The following GALNT17 variants were observed in gnomAD, a reference collection of about 807,000 sequenced individuals.
GALNT17 encodes polypeptide N-acetylgalactosaminyltransferase 17.
Under a neutral mutation model 63.7 loss-of-function variants are expected in GALNT17, and 29 were observed. The ratio of observed to expected loss-of-function variants is 0.46; its 90% CI spans 0.34 to 0.62. GALNT17 has a LOEUF of 0.62. Ranked by LOEUF, GALNT17 falls within the 20% of genes least tolerant of loss-of-function variation. The pLI, the probability that GALNT17 is intolerant of heterozygous loss-of-function variation, is 0.01. For missense variants in GALNT17, 603 were observed against 799.6 expected, an observed-to-expected ratio of 0.75 and a Z score of 2.97; for synonymous variants, 305 against 318.3, an observed-to-expected ratio of 0.96 and a Z score of 0.45.
chr7:71,142,606 A>G, intron 1 of GALNT17, among the ~76,000 whole-genome samples: 1 of 152,230 alleles, frequency 6.6e-6, no homozygotes, highest in East Asian at 1.9e-4. Context: ...TAGTGGGAAG[A>G]TATCTTTGTG....
chr7:71,648,838 G>T (rs1259543613), intron 6 of GALNT17, among the ~76,000 whole-genome samples: 1 of 152,160 alleles, frequency 6.6e-6, no homozygotes, highest in Non-Finnish European at 1.5e-5. Context: ...GTAGTAATTG[G>T]CAATGACTTT....
intron 6 of GALNT17, among the ~76,000 whole-genome samples, chr7:71,656,747 G>C (rs1410652681): frequency 1.3e-5 from 2 of 152,164 alleles, no homozygotes; most frequent in Non-Finnish European, 2.9e-5. Context: ...TGCAGGACTT[G>C]GTGATGGATT....
chr7:71,221,399 T>G (rs1789580962), intron 1 of GALNT17, among the ~76,000 whole-genome samples: 1 of 150,944 alleles, frequency 6.6e-6, no homozygotes, highest in South Asian at 2.1e-4. Context: ...TTTTTTTTTT[T>G]TTTTTTTCCA....
intron 8 of GALNT17, among the ~76,000 whole-genome samples, chr7:71,674,828 T>G (rs1791124102): frequency 6.6e-6 from 1 of 152,206 alleles, no homozygotes; most frequent in Non-Finnish European, 1.5e-5. Context: ...ACATATGCTT[T>G]TAACGCTTAG....
At position 71,132,651 on chromosome 7, in the gene GALNT17, C is replaced by T; in HGVS notation, c.-152C>T. 1.6e-6 allele frequency: 1 copy of T among 639,862 alleles called. No individual in the cohort carries two copies. The highest frequency in any genetic ancestry group is 2.6e-6 in the Non-Finnish European group (1 of 382,366). The allele number at this position is 639,862 out of a possible 1,614,324, so 39.6% of individuals were successfully genotyped here. On this transcript the variant is annotated 5_prime_UTR_variant, in exon 1 of 11. Coordinates refer to ENST00000333538, the MANE Select transcript of GALNT17 (RefSeq NM_022479.3). Reference sequence around the variant, plus strand: ...ACCAATCCGACCTCCCAGCCGTCTCCGCCGCCCGAGCATCCTTGAGGTGGG... The same window carrying T: ...ACCAATCCGACCTCCCAGCCGTCTCTGCCGCCCGAGCATCCTTGAGGTGGG...
At chr7:71,286,758 T>G (rs1230356533) in intron 1 of GALNT17, among the ~76,000 whole-genome samples, 1 of 151,522 alleles carries the variant, frequency 6.6e-6, no homozygotes, top group Non-Finnish European at 1.5e-5. Flanking sequence ...TTTGTTTTTT[T>G]TTTTCTTTTT....
At chr7:71,195,659 C>T (rs1017689867) in intron 1 of GALNT17, among the ~76,000 whole-genome samples, 1 of 151,210 alleles carries the variant, frequency 6.6e-6, no homozygotes, top group Non-Finnish European at 1.5e-5. Flanking sequence ...GTGACCCTCT[C>T]TCCTCAGCCT....
intron 1 of GALNT17, among the ~76,000 whole-genome samples, chr7:71,208,875 C>T (rs116375358): frequency 0.014 from 2,188 of 152,226 alleles, 43 homozygotes; most frequent in African/African-American, 0.05. Context: ...ACATTACACT[C>T]GGAGGAAACA....
At chr7:71,138,509 G>A (rs1274502544) in intron 1 of GALNT17, among the ~76,000 whole-genome samples, 1 of 152,116 alleles carries the variant, frequency 6.6e-6, no homozygotes, top group African/African-American at 2.4e-5. Flanking sequence ...GACCCACGCA[G>A]TTCAGACCCT....
chr7:71,142,575 G>A (rs759369194), intron 1 of GALNT17, among the ~76,000 whole-genome samples: 1 of 152,224 alleles, frequency 6.6e-6, no homozygotes, highest in Non-Finnish European at 1.5e-5. Flanking sequence ...CAGAGATCAT[G>A]CTTACTTAGG....
At chr7:71,459,960 G>A (rs1339943395) in intron 5 of GALNT17, among the ~76,000 whole-genome samples, 1 of 152,180 alleles carries the variant, frequency 6.6e-6, no homozygotes, top group Non-Finnish European at 1.5e-5. Flanking sequence ...ACTAGAAAGT[G>A]TTTAAATTCA....
chr7:71,161,179 C>T (rs909952751), intron 1 of GALNT17, among the ~76,000 whole-genome samples: 1 of 152,158 alleles, frequency 6.6e-6, no homozygotes, highest in African/African-American at 2.4e-5. Context: ...TTTATACTTT[C>T]ACCAGCAATG....
intron 7 of GALNT17, among the ~76,000 whole-genome samples, chr7:71,666,359 A>T (rs1198750259): frequency 2.0e-5 from 3 of 148,546 alleles, no homozygotes; most frequent in Non-Finnish European, 4.5e-5. Context: ...TAAAATATAT[A>T]ATATAAAGAT....
rs544559284 is a variant in GALNT17, at chr7:71,450,528, G to A, written c.962+29423G>A. 2.6e-4 allele frequency among the ~76,000 whole-genome samples: 40 copies of A among 152,318 alleles called. No homozygotes were observed. In the South Asian group the frequency reaches 3.9e-3, roughly 15 times the overall value. ...TTTAAATGAAAAAGACAGCCTTGGT[G>A]AGATATAATTCACGTCATATATTTT... On this transcript the variant is annotated intron_variant, in intron 5 of 10. Transcript: ENST00000333538.
At chr7:71,693,245 TATATACACACACACAC>T (rs1791483899) in intron 9 of GALNT17, among the ~76,000 whole-genome samples, 1 of 110,722 alleles carries the variant, frequency 9.0e-6, no homozygotes, top group South Asian at 3.1e-4. Context: ...TATACACATA[TATATACACACACACAC>T]ATACACACAC....
intron 3 of GALNT17, among the ~76,000 whole-genome samples, chr7:71,412,227 C>G (rs375463592): frequency 6.6e-6 from 1 of 152,152 alleles, no homozygotes; most frequent in Non-Finnish European, 1.5e-5. Context: ...ATTGCTTGAG[C>G]CCGGGAGGTC....
intron 6 of GALNT17, among the ~76,000 whole-genome samples, chr7:71,576,529 T>TTGTGTGTGTG (rs3048366): frequency 0.032 from 4,569 of 142,832 alleles, 91 homozygotes; most frequent in Middle Eastern, 0.054. Context: ...TTTTTTAACT[T>TTGTGTGTGTG]TGTGTGTGTG....
intron 1 of GALNT17, among the ~76,000 whole-genome samples, chr7:71,167,358 G>A (rs760663876): frequency 3.3e-5 from 5 of 152,076 alleles, no homozygotes; most frequent in African/African-American, 4.8e-5. Context: ...GATGTTGATC[G>A]TATTTTTATG....
chr7:71,485,545 G>A (rs1285020352), intron 5 of GALNT17, among the ~76,000 whole-genome samples: 1 of 152,198 alleles, frequency 6.6e-6, no homozygotes, highest in Non-Finnish European at 1.5e-5. Flanking sequence ...TCCTTGACCT[G>A]TGGTGCCATC....
Sources: allele counts gnomAD v4.1 joint callset (sites outside exome capture counted in the v4.1 genomes callset), GRCh38; gene constraint gnomAD v4.1.1; transcripts MANE v1.5; gene names NCBI Gene and HGNC (gene_info 2026-07-23, HGNC 2026-07-21).